ADRA1A: variants seen among roughly 807,000 people sequenced by gnomAD.
The protein encoded by ADRA1A is adrenoceptor alpha 1A.
Under a neutral mutation model 29.6 loss-of-function variants are expected in ADRA1A, and 31 were observed. The ratio of observed to expected loss-of-function variants is 1.05; its 90% CI spans 0.79 to 1.41. ADRA1A has a LOEUF of 1.41. ADRA1A is among the 40% of genes most tolerant of loss of function. ADRA1A has a pLI of 0.00. For synonymous variants in ADRA1A, 311 were observed against 254.3 expected (o/e 1.22, Z -2.12); for missense variants, 619 against 601.1 (o/e 1.03, Z -0.31).
intron 2 of ADRA1A, among the ~76,000 whole-genome samples, chr8:26,804,702 A>T (rs1808838530): frequency 6.6e-6 from 1 of 152,156 alleles, no homozygotes; most frequent in African/African-American, 2.4e-5. Flanking sequence ...CTCTAAACTA[A>T]GAGTTTGGGA....
downstream of ADRA1A, among the ~76,000 whole-genome samples, chr8:26,764,171 T>A (rs967589589): frequency 1.3e-5 from 2 of 152,174 alleles, no homozygotes; most frequent in Non-Finnish European, 2.9e-5. Flanking sequence ...GGGTATGCAA[T>A]GACCCACAGG....
intron 2 of ADRA1A, among the ~76,000 whole-genome samples, chr8:26,777,639 G>A (rs1030074849): frequency 6.6e-6 from 1 of 152,224 alleles, no homozygotes; most frequent in African/African-American, 2.4e-5. Context: ...TCACTTGAGA[G>A]TGTTGGCATG....
chr8:26,781,295 C>A (rs1390245697), intron 2 of ADRA1A, among the ~76,000 whole-genome samples: 1 of 152,212 alleles, frequency 6.6e-6, no homozygotes, highest in Non-Finnish European at 1.5e-5. Context: ...AGGCTCCCAA[C>A]AATATTGCTG....
At chr8:26,786,237 TA>T (rs111704214) in intron 2 of ADRA1A, among the ~76,000 whole-genome samples, 2,995 of 119,962 alleles carry the variant, frequency 0.025, 89 homozygotes, top group East Asian at 0.14. Context: ...TTTTTATTTT[TA>T]AATTTTTTTT....
At chr8:26,753,048 G>C (rs1353938333), downstream of ADRA1A, among the ~76,000 whole-genome samples, 1 of 152,180 alleles carries the variant, frequency 6.6e-6, no homozygotes, top group African/African-American at 2.4e-5. Flanking sequence ...TCTGACTCCA[G>C]AGTTCATGTC....
In ADRA1A at chr8:26,805,457, A is replaced by T. The variant is rs1187369734; in HGVS notation, c.884-34791T>A. Among the ~76,000 whole-genome samples, 1 of 152,228 alleles carries T rather than the reference A, an allele frequency of 6.6e-6. No individual in the cohort carries two copies. Among genetic ancestry groups the T allele is most frequent in the Admixed American group, 6.5e-5 (1 of 15,288 alleles). ...GGGAGACCAAGACTCTGGGTAATAC[A>T]AGACTGAATACTTACTGCGTGTCCA... is the stretch of plus-strand genomic sequence containing the variant. On this transcript the variant is annotated intron_variant, in intron 2 of 2. Transcript: ENST00000380573. The surrounding 1 kb of genome is among the most constrained non-coding windows in gnomAD (Gnocchi z 4.8).
chr8:26,826,389 T>C (rs1225231075), intron 2 of ADRA1A, among the ~76,000 whole-genome samples: 1 of 152,256 alleles, frequency 6.6e-6, no homozygotes, highest in Non-Finnish European at 1.5e-5. Context: ...GGTCACATTA[T>C]GACTTTTATG....
At chr8:26,834,492 A>G (rs1398986655) in intron 2 of ADRA1A, among the ~76,000 whole-genome samples, 3 of 152,258 alleles carry the variant, frequency 2.0e-5, no homozygotes, top group Non-Finnish European at 4.4e-5. Context: ...ACCAAAACAC[A>G]AATCAGGACA....
In ADRA1A at chr8:26,865,115, G is replaced by T; in HGVS notation, c.-146C>A. On this transcript the variant is annotated 5_prime_UTR_variant, in exon 2 of 3. Coordinates refer to ENST00000380573, the MANE Select transcript of ADRA1A (RefSeq NM_000680.4). This position sits in a 1 kb window ranked among gnomAD's most constrained non-coding sequence, Gnocchi z 7.6. ...GGTTTGGCTGGGGGTGAGAGCGCGCGCGCGGGTGGGAAACAACCCTGGCCA... is the reference window on the plus strand; with the variant it reads ...GGTTTGGCTGGGGGTGAGAGCGCGCTCGCGGGTGGGAAACAACCCTGGCCA... 6.8e-7 allele frequency: 1 copy of T among 1,474,944 alleles called. No homozygotes were observed. The highest frequency in any genetic ancestry group is 8.9e-7 in the Non-Finnish European group (1 of 1,122,280). 91.4% of individuals were successfully genotyped at this position (1,474,944 alleles called of 1,614,324 possible).
intron 2 of ADRA1A, among the ~76,000 whole-genome samples, chr8:26,839,046 G>C (rs1275808957): frequency 1.3e-5 from 2 of 152,132 alleles, no homozygotes; most frequent in African/African-American, 4.8e-5. Context: ...AGATAGACTT[G>C]CAAGCAAATT....
chr8:26,830,416 C>T (rs1380961927), intron 2 of ADRA1A, among the ~76,000 whole-genome samples: 1 of 152,136 alleles, frequency 6.6e-6, no homozygotes, highest in Non-Finnish European at 1.5e-5. Flanking sequence ...CTCCAGAATC[C>T]CAAATGTACT....
chr8:26,780,129 T>C (rs1032682075), intron 2 of ADRA1A, among the ~76,000 whole-genome samples: 1 of 152,168 alleles, frequency 6.6e-6, no homozygotes, highest in Non-Finnish European at 1.5e-5. Flanking sequence ...GCCCCTTTAT[T>C]ATTTGGTTCC....
At chr8:26,846,631 G>A (rs894981510) in intron 2 of ADRA1A, among the ~76,000 whole-genome samples, 4 of 152,162 alleles carry the variant, frequency 2.6e-5, no homozygotes, top group African/African-American at 9.7e-5. Context: ...ACTTAGCCAG[G>A]CGTGGTGGCA....
rs1017077637 is a variant in ADRA1A at position 26,825,916 on chromosome 8, T to G, written c.883+38171A>C. On this transcript the variant is annotated intron_variant, in intron 2 of 2. Coordinates refer to ENST00000380573, the MANE Select transcript of ADRA1A (RefSeq NM_000680.4). The surrounding 1 kb of genome is among the most constrained non-coding windows in gnomAD (Gnocchi z 5.7). Reference sequence around the variant, plus strand: ...AGCCCCATTCCTTGAATTCCTACAATGTCCCAAGTGCTGAGCTGGGCACTG... The same window carrying G: ...AGCCCCATTCCTTGAATTCCTACAAGGTCCCAAGTGCTGAGCTGGGCACTG... 6.6e-6 allele frequency among the ~76,000 whole-genome samples: 1 copy of G among 152,208 alleles called. No homozygotes were observed. Among genetic ancestry groups the G allele is most frequent in the East Asian group, 1.9e-4 (1 of 5,186 alleles).
downstream of ADRA1A, among the ~76,000 whole-genome samples, chr8:26,767,938 T>C (rs758919540): frequency 2.0e-5 from 3 of 152,174 alleles, no homozygotes; most frequent in Non-Finnish European, 4.4e-5. Context: ...GCCTCTATAA[T>C]AGGACATTCA....
At position 26,788,462 on chromosome 8, in the gene ADRA1A, T is replaced by G. The variant is rs188477258; in HGVS notation, c.884-17796A>C. On this transcript the variant is annotated intron_variant, in intron 2 of 2. Transcript: ENST00000380573. ...GAGTTAGAGAAGTTTTTAAGTTTCATGATCTCATAACCCATGTGGAGAGTT... is the reference window on the plus strand; with the variant it reads ...GAGTTAGAGAAGTTTTTAAGTTTCAGGATCTCATAACCCATGTGGAGAGTT... 3.0e-3 allele frequency among the ~76,000 whole-genome samples: 461 copies of G among 152,320 alleles called. 1 individual carries two copies. Among genetic ancestry groups the G allele is most frequent in the African/African-American group, 0.011 (439 of 41,562 alleles).
intron 2 of ADRA1A, among the ~76,000 whole-genome samples, chr8:26,778,850 G>A (rs1317844537): frequency 3.3e-5 from 5 of 151,224 alleles, no homozygotes; most frequent in Admixed American, 6.6e-5. Context: ...TGTAAATGAC[G>A]AGTTAATGGG....
intron 2 of ADRA1A, among the ~76,000 whole-genome samples, chr8:26,749,966 T>C (rs1395768763): frequency 1.3e-5 from 2 of 152,214 alleles, no homozygotes; most frequent in Non-Finnish European, 2.9e-5. Flanking sequence ...CACATGAGCA[T>C]TGAAATTTGT....
intron 2 of ADRA1A, among the ~76,000 whole-genome samples, chr8:26,749,261 A>G (rs916740933): frequency 1.3e-5 from 2 of 152,200 alleles, no homozygotes; most frequent in Non-Finnish European, 2.9e-5. Context: ...TATGGCAACA[A>G]CCCAGGGATC....
Sources: allele counts gnomAD v4.1 joint callset (sites outside exome capture counted in the v4.1 genomes callset), GRCh38; gene constraint gnomAD v4.1.1; non-coding constraint Gnocchi (gnomAD v3.1); transcripts MANE v1.5; gene names NCBI Gene and HGNC (gene_info 2026-07-23, HGNC 2026-07-21).